LAMA5: variants seen among roughly 807,000 people sequenced by gnomAD.
LAMA5 encodes the protein laminin subunit alpha 5.
In LAMA5, 260 loss-of-function variants were observed where a neutral mutation model predicts 433.4. That is an observed-to-expected ratio of 0.60 (90% CI 0.54 to 0.66). The LOEUF (loss-of-function observed/expected upper bound fraction) is 0.66. Ranked by LOEUF, LAMA5 falls within the 30% of genes least tolerant of loss-of-function variation. LAMA5 has a pLI of 0.00. For missense variants in LAMA5, 5,378 were observed against 5,258.5 expected, an observed-to-expected ratio of 1.02 and a Z score of -0.70; for synonymous variants, 2,620 against 2,226.6, an observed-to-expected ratio of 1.18 and a Z score of -4.97.
intron 45 of LAMA5, among the ~76,000 whole-genome samples, 175 bp downstream of exon 45, chr20:62,323,281 A>G (rs62204514): frequency 0.015 from 1,366 of 91,910 alleles, 25 homozygotes; most frequent in African/African-American, 0.055. Flanking sequence ...GGGCGGGAGG[A>G]CCGGATCATA....
rs1352925058 is a variant in LAMA5, at chr20:62,367,260, G to A, written c.-15C>T. ...CGCTTCGCCATCTTCCCGGCTCCGG[G>A]CCGCGTCCCCGAGCTCCAGGGACAG... On this transcript the variant is annotated 5_prime_UTR_variant, in exon 1 of 80. Coordinates refer to ENST00000252999, the MANE Select transcript of LAMA5 (RefSeq NM_005560.6). 6.0e-6 allele frequency: 7 copies of A among 1,162,484 alleles called. No individual in the cohort carries two copies. The highest frequency in any genetic ancestry group is 9.5e-5 in the Admixed American group (2 of 21,114). 72.0% of individuals were successfully genotyped at this position (1,162,484 alleles called of 1,614,324 possible). A position where few individuals can be genotyped will look rare whatever the true frequency, so the allele number is the denominator to read the frequency against.
Position 62,311,109 on chromosome 20 carries a change from G to A in LAMA5, c.10089-15C>T, listed in dbSNP as rs757164084. 23 of 1,567,584 alleles carry A rather than the reference G, an allele frequency of 1.5e-5. No homozygotes were observed. In the East Asian group the frequency reaches 4.7e-4, roughly 32 times the overall value. On this transcript the variant is annotated splice_polypyrimidine_tract_variant and intron_variant, in intron 73 of 79. Coordinates refer to ENST00000252999, the MANE Select transcript of LAMA5 (RefSeq NM_005560.6). ...AGAGACTGGGCCTGGAAGCGGAGCT[G>A]GCGTCAGCCTGCGCGGCCCCTCTCA...
In LAMA5 at chr20:62,328,265, C is replaced by G. The variant is rs376740409; in HGVS notation, c.4628G>C (p.Cys1543Ser). Residue 1543 changes from cysteine (C) to serine (S), a missense_variant, in exon 35 of 80, where the codon TGT becomes TCT. Transcript: ENST00000252999. ...CTTGCACTGGCCGCTGTCTGTGTCA[C>G]AGGTAGGGTCTGTGAGCTCCTGGAT... Reference protein sequence around the residue: ...PGIQELTDPTCDTDSGQCKCR... With the variant: ...PGIQELTDPTSDTDSGQCKCR... The G allele has an allele frequency of 6.2e-7, 1 of 1,607,800 alleles. No individual in the cohort carries two copies. The highest frequency in any genetic ancestry group is 8.5e-7 in the Non-Finnish European group (1 of 1,177,740).
Position 62,315,973 on chromosome 20 carries a change from C to A in LAMA5, c.7842G>T (p.Ala2614=), listed in dbSNP as rs770413191. ...CTGTGTCCATGGCAAGCATGGCCTG[C>A]GCCGCCTGGATGTGCGCCTCCAGCT... ...KDQLEAHIQA[A]QAMLAMDTDE... is the part of the protein sequence containing the mutation. Residue 2614 remains alanine (A), a synonymous_variant, in exon 58 of 80, where the codon GCG becomes GCT. Coordinates refer to ENST00000252999, the MANE Select transcript of LAMA5 (RefSeq NM_005560.6). 5.6e-6 allele frequency: 9 copies of A among 1,605,560 alleles called. No individual in the cohort carries two copies. The Admixed American group carries it at 8.4e-5, about 15-fold the overall frequency.
rs371233542 is a variant in LAMA5 at position 62,319,792 on chromosome 20, C to T, written c.6763G>A (p.Val2255Met). 122 of 1,544,780 alleles carry T rather than the reference C, an allele frequency of 7.9e-5. No individual in the cohort carries two copies. The highest frequency in any genetic ancestry group is 1.2e-4 in the Admixed American group (6 of 50,962). The change falls in exon 51 of 80, where the codon GTG becomes ATG. Residue 2255 changes from valine (V) to methionine (M), a missense_variant. By Grantham distance (21) the Val-to-Met change is conservative (BLOSUM62 1). Transcript: ENST00000252999. ...QDARRLGGQA[V>M]GTRDQASQLL... Reference sequence around the variant, plus strand: ...TGGCTCGCCTGGTCTCGGGTCCCCACGGCCTGTGGAGGAAGAGCCCACTAG... The same window carrying T: ...TGGCTCGCCTGGTCTCGGGTCCCCATGGCCTGTGGAGGAAGAGCCCACTAG...
In LAMA5 at chr20:62,328,942, C is replaced by T. The variant is rs1345093440; in HGVS notation, c.4349G>A (p.Cys1450Tyr). ...GGGACACTGGCCCCCGAAGGGCTCA[C>T]ACGTGGGGCCTGTAGCACCTACTTC... ...CHEVGATGPT[C>Y]EPFGGQCPCH... is the part of the protein sequence containing the mutation. Residue 1450 changes from cysteine to tyrosine, a missense_variant, in exon 34 of 80, where the codon TGT becomes TAT. Transcript: ENST00000252999. 1.2e-6 allele frequency: 2 copies of T among 1,612,038 alleles called. No homozygotes were observed.
rs758178773 is a variant in LAMA5, at chr20:62,314,229, C to CGGAGAGG, written c.8504+68_8504+74dup. On this transcript the variant is annotated intron_variant, in intron 62 of 79. Transcript: ENST00000252999. The stretch of plus-strand genomic sequence containing the variant: ...AGAGGTGAAGGGTGGTGGGTGCACA[C>CGGAGAGG]GGAGAGGGGAGAGATGGCGAACGGG... 6.8e-4 allele frequency: 1,038 copies of CGGAGAGG among 1,534,482 alleles called. 3 individuals are homozygous for CGGAGAGG. Among genetic ancestry groups the CGGAGAGG allele is most frequent in the Non-Finnish European group, 8.5e-4 (958 of 1,133,082 alleles).
chr20:62,329,732 T>C, intron 32 of LAMA5, 45 bp downstream of exon 32: 2 of 1,606,568 alleles, frequency 1.2e-6, no homozygotes, highest in Non-Finnish European at 8.5e-7. Flanking sequence ...TAATGACAAG[T>C]ATAAGGACAG....
Position 62,310,653 on chromosome 20 carries a change from G to A in LAMA5, c.10446+12C>T, listed in dbSNP as rs766146590. ...GGGTGGGGAGTGGGGGCTGGGGCAA[G>A]ATGGTTCTCACCGGAAGTTTGGAGC... On this transcript the variant is annotated intron_variant, in intron 75 of 79. Coordinates refer to ENST00000252999, the MANE Select transcript of LAMA5 (RefSeq NM_005560.6). 1.9e-6 allele frequency: 3 copies of A among 1,600,360 alleles called. No homozygotes were observed. Among genetic ancestry groups the A allele is most frequent in the East Asian group, 2.2e-5 (1 of 44,888 alleles).
chr20:62,321,097 G>A (rs1053533464), intron 48 of LAMA5, among the ~76,000 whole-genome samples: 2 of 148,492 alleles, frequency 1.3e-5, no homozygotes, highest in African/African-American at 5.0e-5. Flanking sequence ...AGGGCATGGG[G>A]TCACCCAGGG....
In LAMA5 at chr20:62,320,722, G is replaced by A. The variant is rs1987605351; in HGVS notation, c.6648+17C>T. On this transcript the variant is annotated intron_variant, in intron 49 of 79. Transcript: ENST00000252999. The stretch of plus-strand genomic sequence containing the variant: ...CACTGGCCCGGGTTGGGGAGGGAAG[G>A]CCAGGACGCTCAGTACCTGCAGGTC... The A allele has an allele frequency of 2.5e-6, 4 of 1,612,550 alleles. No homozygotes were observed. The highest frequency in any genetic ancestry group is 1.7e-4 in the Middle Eastern group (1 of 6,052).
At chr20:62,313,043 G>C in intron 65 of LAMA5, 33 bp from the exon 66 acceptor site, 1 of 1,598,002 alleles carries the variant, frequency 6.3e-7, no homozygotes. Flanking sequence ...GTGTGGGGCA[G>C]GGTCAGTGCA....
intron 26 of LAMA5, 64 bp from the exon 27 acceptor site, chr20:62,332,781 C>T (rs1414651942): frequency 3.4e-5 from 54 of 1,568,320 alleles, no homozygotes; most frequent in Non-Finnish European, 4.6e-5. Flanking sequence ...CCCTCCCCTC[C>T]CACTCCAGCG....
Position 62,312,028 on chromosome 20 carries a change from A to G in LAMA5, c.9527T>C (p.Leu3176Pro). The G allele has an allele frequency of 6.2e-7, 1 of 1,612,550 alleles. No homozygotes were observed. Among genetic ancestry groups the G allele is most frequent in the Non-Finnish European group, 8.5e-7 (1 of 1,179,828 alleles). ...CTGTAGGCTCACACGGCCCTGCTGC[A>G]GGGACACCTGGCATAGCCCATCCTG... is the stretch of plus-strand genomic sequence containing the variant. The part of the protein sequence containing the change: ...ASPDGLCQVS[L>P]QQGRVSLQLL... The change falls in exon 70 of 80, where the codon CTG becomes CCG. Residue 3176 changes from leucine to proline, a missense_variant. Transcript: ENST00000252999.
In LAMA5 at chr20:62,335,089, C is replaced by A; in HGVS notation, c.2414G>T (p.Gly805Val). The change falls in exon 20 of 80, where the codon GGC becomes GTC. Residue 805 changes from glycine to valine, a missense_variant. Coordinates refer to ENST00000252999, the MANE Select transcript of LAMA5 (RefSeq NM_005560.6). ...GQCFCKPHVC[G>V]QACASCKDGF... ...ATCCTTGCAGGACGCGCAGGCCTGG[C>A]CGCACACGTGGGGCTTGCAGAAGCA... The A allele has an allele frequency of 1.2e-6, 2 of 1,613,050 alleles. No homozygotes were observed. The highest frequency in any genetic ancestry group is 8.5e-7 in the Non-Finnish European group (1 of 1,179,722).
intron 6 of LAMA5, among the ~76,000 whole-genome samples, chr20:62,348,336 G>A (rs1414249313): frequency 6.6e-6 from 1 of 152,240 alleles, no homozygotes; most frequent in Non-Finnish European, 1.5e-5. Flanking sequence ...CGGGCGCAGT[G>A]GCTCACGCCT....
chr20:62,313,454 G>A lies in LAMA5; in HGVS notation c.8665C>T (p.Pro2889Ser), dbSNP rs138708242. Residue 2889 changes from proline (P) to serine (S), a missense_variant, in exon 64 of 80, where the codon CCC becomes TCC. Physicochemically the swap from Pro to Ser is moderately conservative, Grantham distance 74. Coordinates refer to ENST00000252999, the MANE Select transcript of LAMA5 (RefSeq NM_005560.6). ...GGYPSTFTPP[P>S]LLRFPGYRGC... The stretch of plus-strand genomic sequence containing the variant: ...CGGTAGCCGGGGAAGCGAAGCAGGG[G>A]AGGGGGCTGTGGGCACAGGGCTGGG... The A allele has an allele frequency of 4.4e-3, 7,081 of 1,606,084 alleles. 26 individuals are homozygous for A. Among genetic ancestry groups the A allele is most frequent in the Middle Eastern group, 0.019 (112 of 6,034 alleles).
chr20:62,333,276 T>C, intron 25 of LAMA5, 33 bp from the exon 26 acceptor site: 7 of 1,579,788 alleles, frequency 4.4e-6, no homozygotes, highest in Non-Finnish European at 6.0e-6. Flanking sequence ...CAGCCCCAGG[T>C]CCACCCAGGT....
chr20:62,317,071 C>G (rs555572173), intron 55 of LAMA5, 48 bp from the exon 56 acceptor site: 1 of 1,487,412 alleles, frequency 6.7e-7, no homozygotes. Context: ...CAGACGCCCT[C>G]GGCCTGGCTC....
Sources: allele counts gnomAD v4.1 joint callset (sites outside exome capture counted in the v4.1 genomes callset), GRCh38; gene constraint gnomAD v4.1.1; transcripts MANE v1.5; gene names NCBI Gene and HGNC (gene_info 2026-07-23, HGNC 2026-07-21).